ESR1: variants seen among roughly 807,000 people sequenced by gnomAD.
ESR1 encodes the protein estrogen receptor.
A neutral mutation model predicts 52.7 loss-of-function variants in ESR1; 12 were observed. That is an observed-to-expected ratio of 0.23 (90% CI 0.15 to 0.37). ESR1 has a LOEUF of 0.37. Among genes scored for constraint, ESR1 ranks in the 10% least tolerant of loss-of-function variants. ESR1 has a pLI of 1.00. For synonymous variants in ESR1, 305 were observed against 316.8 expected (o/e 0.96, Z 0.39); for missense variants, 584 against 779.7 (o/e 0.75, Z 2.99).
At chr6:151,709,927 T>TATC (rs1780465302) in intron 2 of ESR1, among the ~76,000 whole-genome samples, 1 of 151,654 alleles carries the variant, frequency 6.6e-6, no homozygotes, top group South Asian at 2.1e-4. Context: ...TTTCTAAAAT[T>TATC]TTCTTCTAAA....
At chr6:151,728,987 A>T (rs918703341) in intron 2 of ESR1, among the ~76,000 whole-genome samples, 1 of 152,214 alleles carries the variant, frequency 6.6e-6, no homozygotes, top group Non-Finnish European at 1.5e-5. Flanking sequence ...GCCATGACAC[A>T]TGAACACTTT....
At chr6:152,104,154 C>G (rs1268506923), downstream of ESR1, among the ~76,000 whole-genome samples, 1 of 152,054 alleles carries the variant, frequency 6.6e-6, no homozygotes, top group Non-Finnish European at 1.5e-5. Flanking sequence ...CTGCTTCTCC[C>G]TCTCCAGAGT....
chr6:152,100,659 A>T lies in ESR1; in HGVS notation c.*1693A>T, dbSNP rs2050935382. 4.3e-6 allele frequency: 1 copy of T among 230,008 alleles called. No homozygotes were observed. The highest frequency in any genetic ancestry group is 8.6e-6 in the Non-Finnish European group (1 of 116,226). 14.2% of individuals were successfully genotyped at this position (230,008 alleles called of 1,614,324 possible). On this transcript the variant is annotated 3_prime_UTR_variant, in exon 8 of 8. Coordinates refer to ENST00000206249, the MANE Select transcript of ESR1 (RefSeq NM_000125.4). ...GAGGTGATGTCTGTGTTAGCCAATG[A>T]CCCAGGTGAGCTGCTCGGGCTTCTC...
At chr6:152,072,352 A>AT (rs890766575) in intron 6 of ESR1, among the ~76,000 whole-genome samples, 6 of 151,346 alleles carry the variant, frequency 4.0e-5, no homozygotes, top group South Asian at 4.2e-4. Context: ...TTTGCCACTG[A>AT]TTTTTTTTTA....
intron 1 of ESR1, among the ~76,000 whole-genome samples, chr6:151,839,429 TG>T (rs1783922041): frequency 6.6e-6 from 1 of 152,210 alleles, no homozygotes; most frequent in African/African-American, 2.4e-5. Context: ...TGGAAAACAC[TG>T]GTGATTCCTC....
In ESR1 at chr6:151,954,273, G is replaced by A. The variant is rs73784111; in HGVS notation, c.1096+9765G>A. ...CTCCCTTGTAAGTAAATTGCTTGACGTGTTAAAATCTAAGTTCTGTTTTAC... is the reference window on the plus strand; with the variant it reads ...CTCCCTTGTAAGTAAATTGCTTGACATGTTAAAATCTAAGTTCTGTTTTAC... On this transcript the variant is annotated intron_variant, in intron 4 of 7. Transcript: ENST00000206249. Among the ~76,000 whole-genome samples, 627 of 152,256 alleles carry A rather than the reference G, an allele frequency of 4.1e-3. 2 individuals carry two copies. The highest frequency in any genetic ancestry group is 0.014 in the African/African-American group (574 of 41,532).
chr6:152,051,414 C>G (rs1043979927), intron 5 of ESR1, among the ~76,000 whole-genome samples: 3 of 152,324 alleles, frequency 2.0e-5, no homozygotes, highest in African/African-American at 7.2e-5. Flanking sequence ...TGACTAGGAT[C>G]TCAATCTGGT....
chr6:151,790,135 G>A (rs1787390057), intron 2 of ESR1, among the ~76,000 whole-genome samples: 1 of 152,190 alleles, frequency 6.6e-6, no homozygotes, highest in Non-Finnish European at 1.5e-5. Context: ...TTGAGAATTA[G>A]CAACACACTT....
intron 2 of ESR1, among the ~76,000 whole-genome samples, chr6:151,775,938 A>T (rs1259801634): frequency 6.6e-6 from 1 of 152,146 alleles, no homozygotes; most frequent in African/African-American, 2.4e-5. Context: ...AGAGGTGCTG[A>T]ATTTTAGGAT....
At position 152,023,186 on chromosome 6, in the gene ESR1, G is replaced by A. The variant is rs569502828; in HGVS notation, c.1235+11392G>A. ...TATAATTTATAAAAGAGAAAATGGGGGTGGAATATTACAAAAAAGGAACTA... is the reference window on the plus strand; with the variant it reads ...TATAATTTATAAAAGAGAAAATGGGAGTGGAATATTACAAAAAAGGAACTA... On this transcript the variant is annotated intron_variant, in intron 5 of 7. Transcript: ENST00000206249. Among the ~76,000 whole-genome samples, 297 of 152,116 alleles carry A rather than the reference G, an allele frequency of 2.0e-3. 2 individuals carry two copies. Among genetic ancestry groups the A allele is most frequent in the Non-Finnish European group, 1.6e-3 (112 of 67,982 alleles).
intron 4 of ESR1, among the ~76,000 whole-genome samples, chr6:151,960,449 A>G (rs3020397): frequency 0.72 from 109,630 of 152,066 alleles, 40,509 homozygotes; most frequent in Middle Eastern, 0.86. Context: ...CACCTGAAGG[A>G]GGAGGTGAGA....
chr6:151,958,008 C>T (rs2037199212), intron 4 of ESR1, among the ~76,000 whole-genome samples: 1 of 152,202 alleles, frequency 6.6e-6, no homozygotes, highest in African/African-American at 2.4e-5. Flanking sequence ...CCATCACACT[C>T]TGTGCTTCCT....
intron 2 of ESR1, among the ~76,000 whole-genome samples, chr6:151,878,634 A>G (rs1792258574): frequency 6.6e-6 from 1 of 152,176 alleles, no homozygotes; most frequent in South Asian, 2.1e-4. Context: ...TAGTAAATGG[A>G]AAAAAATAGA....
chr6:151,723,694 C>A (rs945888582), intron 2 of ESR1, among the ~76,000 whole-genome samples: 1 of 152,058 alleles, frequency 6.6e-6, no homozygotes, highest in Non-Finnish European at 1.5e-5. Flanking sequence ...TACGGTGAAA[C>A]CCTGTCTCTA....
intron 3 of ESR1, among the ~76,000 whole-genome samples, chr6:151,929,467 G>A (rs1161612563): frequency 1.3e-5 from 2 of 151,982 alleles, no homozygotes; most frequent in Admixed American, 1.3e-4. Flanking sequence ...TTTAAAGTGG[G>A]CATTATTACT....
chr6:152,108,255 CT>C (rs2051091124), downstream of ESR1, among the ~76,000 whole-genome samples: 1 of 152,196 alleles, frequency 6.6e-6, no homozygotes, highest in Admixed American at 6.5e-5. Flanking sequence ...GTGAGCTCCC[CT>C]GTGACTGCAG....
At chr6:151,790,416 C>G (rs528044618) in intron 2 of ESR1, among the ~76,000 whole-genome samples, 1 of 152,258 alleles carries the variant, frequency 6.6e-6, no homozygotes, top group South Asian at 2.1e-4. Context: ...TGGTGAAGCC[C>G]TTTTCCCTGG....
intron 4 of ESR1, among the ~76,000 whole-genome samples, chr6:151,948,741 C>T (rs1239287607): frequency 6.6e-6 from 1 of 152,138 alleles, no homozygotes; most frequent in Non-Finnish European, 1.5e-5. Flanking sequence ...TCTTTCTGGA[C>T]ATGTCTCCCA....
intron 5 of ESR1, among the ~76,000 whole-genome samples, chr6:152,029,139 G>C (rs898730266): frequency 1.3e-5 from 2 of 152,200 alleles, no homozygotes; most frequent in East Asian, 1.9e-4. Flanking sequence ...AATCCCATCT[G>C]TACGTCACCA....
Sources: gnomAD v4.1 joint callset for allele counts (sites outside exome capture counted in the v4.1 genomes callset) on GRCh38, gnomAD v4.1.1 for gene constraint, MANE v1.5 for transcripts, NCBI Gene and HGNC (gene_info 2026-07-23, HGNC 2026-07-21) for gene names.